NWD1: variants seen among roughly 807,000 people sequenced by gnomAD.
The protein encoded by NWD1 is NACHT and WD repeat domain containing 1, also known as NACHT domain- and WD repeat-containing protein 1.
NWD1 carries 129 observed loss-of-function variants against 135.1 expected under a neutral mutation model. The observed-to-expected ratio is 0.96, with a 90% confidence interval of 0.83 to 1.11. The LOEUF (loss-of-function observed/expected upper bound fraction) is 1.11, where lower values mean the gene tolerates loss of function less well. Ranked by LOEUF, NWD1 falls within the 50% of genes least tolerant of loss-of-function variation. The probability of loss-of-function intolerance (pLI) is 0.00; values close to 1 mark genes in which losing one functional copy is unlikely to be tolerated. For missense variants in NWD1, 1,740 were observed against 1,851.3 expected (o/e 0.94, Z 1.10); for synonymous variants, 773 against 786.0 (o/e 0.98, Z 0.28).
At position 16,797,834 on chromosome 19, in the gene NWD1, T is replaced by C. The variant is rs1970470263; in HGVS notation, c.3407T>C (p.Phe1136Ser). 1 of 1,614,024 alleles carries C rather than the reference T, an allele frequency of 6.2e-7. No homozygotes were observed. The highest frequency in any genetic ancestry group is 1.1e-5 in the South Asian group (1 of 91,092). ...EHEDMVETAV[F>S]GTENNLIITG... ...GAAGACATGGTGGAGACGGCTGTTT[T>C]TGGTACTGAGAACAACCTGATCATC... Residue 1136 changes from phenylalanine (F) to serine (S), a missense_variant, in exon 16 of 19, where the codon TTT becomes TCT. By Grantham distance (155) the Phe-to-Ser change is radical. Coordinates refer to ENST00000524140, the MANE Select transcript of NWD1 (RefSeq NM_001007525.5).
At chr19:16,811,463 A>T (rs555368226) in intron 18 of NWD1, among the ~76,000 whole-genome samples, 4 of 152,040 alleles carry the variant, frequency 2.6e-5, no homozygotes, top group African/African-American at 9.6e-5. Flanking sequence ...GCATGCCTGT[A>T]ATCCCAGCTA....
chr19:16,757,809 T>C (rs1968854019), intron 6 of NWD1, among the ~76,000 whole-genome samples: 2 of 152,164 alleles, frequency 1.3e-5, no homozygotes, highest in Non-Finnish European at 2.9e-5. Context: ...CCCAACACTT[T>C]GGGAGGCTGA....
At chr19:16,794,379 AT>A (rs1394399580) in intron 14 of NWD1, 83 bp from the exon 15 acceptor site, 13 of 774,988 alleles carry the variant, frequency 1.7e-5, no homozygotes, top group African/African-American at 1.6e-4. Flanking sequence ...AACAAAAAAA[AT>A]AAAAATTAAA....
At chr19:16,791,684 T>C in intron 14 of NWD1, 62 bp downstream of exon 14, 6 of 1,485,654 alleles carry the variant, frequency 4.0e-6, no homozygotes, top group Admixed American at 1.8e-5. Context: ...TCAGATGTGC[T>C]AGAAGTTGGG....
At position 16,797,179 on chromosome 19, in the gene NWD1, C is replaced by CA. The variant is rs762226680; in HGVS notation, c.3305-538dup. On this transcript the variant is annotated intron_variant, in intron 15 of 18. Coordinates refer to ENST00000524140, the MANE Select transcript of NWD1 (RefSeq NM_001007525.5). ...TCAGTGACAGAGCGAGACTCCATCTCAAAAAAAAAAAAAAATTGATGAGTG... is the reference window on the plus strand; with the variant it reads ...TCAGTGACAGAGCGAGACTCCATCTCAAAAAAAAAAAAAAAATTGATGAGTG... 8.0e-3 allele frequency among the ~76,000 whole-genome samples: 1,047 copies of CA among 130,536 alleles called. 4 individuals are homozygous for CA. The highest frequency in any genetic ancestry group is 0.017 in the Middle Eastern group (4 of 240). The allele number at this position is 130,536 out of a possible 152,430, so 85.6% of individuals were successfully genotyped here. A position where few individuals can be genotyped will look rare whatever the true frequency, so the allele number is the denominator to read the frequency against.
intron 5 of NWD1, 138 bp from the exon 6 acceptor site, chr19:16,749,001 C>G (rs968671241): frequency 3.0e-6 from 2 of 670,894 alleles, no homozygotes; most frequent in Non-Finnish European, 2.5e-6. Context: ...TTCGAGACCC[C>G]CAGGTCAGAC....
At chr19:16,771,913 A>G (rs542743147) in intron 10 of NWD1, among the ~76,000 whole-genome samples, 1 of 146,282 alleles carries the variant, frequency 6.8e-6, no homozygotes, top group Non-Finnish European at 1.5e-5. Context: ...CTCCTGTCTC[A>G]GCCTCCCGAG....
intron 6 of NWD1, 135 bp from the exon 7 acceptor site, chr19:16,759,090 C>T: frequency 1.4e-6 from 1 of 703,058 alleles, no homozygotes; most frequent in Non-Finnish European, 2.6e-6. Flanking sequence ...CTTGTGGGCG[C>T]TGTCCAAATG....
rs560363206 is a variant in NWD1 at position 16,750,083 on chromosome 19, C to G, written c.1441C>G (p.Arg481Gly). Residue 481 changes from arginine (R) to glycine (G), a missense_variant, in exon 6 of 19, where the codon CGG becomes GGG. Physicochemically the swap from Arg to Gly is moderately radical, Grantham distance 125. Transcript: ENST00000524140. ...GALGVLDTLQ[R>G]VLLDPEAYWE... is the part of the protein sequence containing the mutation. Reference sequence around the variant, plus strand: ...ACTGGGGGTTTTGGACACCTTGCAGCGGGTGCTCCTGGACCCGGAGGCCTA... The same window carrying G: ...ACTGGGGGTTTTGGACACCTTGCAGGGGGTGCTCCTGGACCCGGAGGCCTA... 2 of 1,614,026 alleles carry G rather than the reference C, an allele frequency of 1.2e-6. No individual in the cohort carries two copies. The highest frequency in any genetic ancestry group is 1.7e-6 in the Non-Finnish European group (2 of 1,180,014).
intron 4 of NWD1, among the ~76,000 whole-genome samples, chr19:16,739,825 G>C (rs983013487): frequency 1.7e-4 from 26 of 152,190 alleles, no homozygotes; most frequent in Admixed American, 1.6e-3. Context: ...AGAGCTCTGA[G>C]AGTTGTTCCT....
intron 6 of NWD1, among the ~76,000 whole-genome samples, chr19:16,758,869 G>A (rs1400682415): frequency 2.6e-5 from 4 of 151,894 alleles, no homozygotes; most frequent in African/African-American, 9.7e-5. Context: ...TTAGCCAGGC[G>A]TGGTGGCGCC....
At chr19:16,771,280 T>C (rs1969401985) in intron 10 of NWD1, among the ~76,000 whole-genome samples, 1 of 152,112 alleles carries the variant, frequency 6.6e-6, no homozygotes, top group Non-Finnish European at 1.5e-5. Flanking sequence ...TGAAACCCCA[T>C]CTCTACTAAA....
intron 10 of NWD1, among the ~76,000 whole-genome samples, chr19:16,767,339 G>T (rs1006561578): frequency 6.6e-6 from 1 of 152,118 alleles, no homozygotes; most frequent in Non-Finnish European, 1.5e-5. Context: ...GGACGGCCAG[G>T]TGTGGTGGCT....
chr19:16,767,220 C>A (rs1568365189), intron 10 of NWD1, among the ~76,000 whole-genome samples: 1 of 145,114 alleles, frequency 6.9e-6, no homozygotes, highest in Non-Finnish European at 1.5e-5. Flanking sequence ...CGCTCTGTCG[C>A]CCAGGCTGGA....
At chr19:16,746,785 T>C (rs1221359777) in intron 5 of NWD1, among the ~76,000 whole-genome samples, 1 of 152,098 alleles carries the variant, frequency 6.6e-6, no homozygotes, top group Non-Finnish European at 1.5e-5. Flanking sequence ...AAAGAAAATG[T>C]TATTACAAAA....
At chr19:16,782,039 A>C (rs1969870956) in intron 12 of NWD1, among the ~76,000 whole-genome samples, 2 of 149,814 alleles carry the variant, frequency 1.3e-5, no homozygotes, top group Non-Finnish European at 3.0e-5. Flanking sequence ...GCTTGCAGTG[A>C]GCCGAGATTG....
At chr19:16,728,436 C>CAAA (rs1259067008) in intron 2 of NWD1, among the ~76,000 whole-genome samples, 2 of 151,844 alleles carry the variant, frequency 1.3e-5, no homozygotes, top group African/African-American at 4.8e-5. Context: ...AGCCACCTGC[C>CAAA]ACCATGTCTG....
At chr19:16,731,440 G>A (rs35369808) in intron 3 of NWD1, among the ~76,000 whole-genome samples, 162 bp downstream of exon 3, 36,372 of 151,244 alleles carry the variant, frequency 0.24, 5,070 homozygotes, top group Middle Eastern at 0.37. Context: ...CTGAGTAGCT[G>A]GGACTACAGG....
At chr19:16,814,708 G>T (rs1475121227) in intron 18 of NWD1, among the ~76,000 whole-genome samples, 1 of 152,158 alleles carries the variant, frequency 6.6e-6, no homozygotes, top group Non-Finnish European at 1.5e-5. Flanking sequence ...GCCCATCCTG[G>T]GCCAGTTCAC....
Sources: allele counts gnomAD v4.1 joint callset (sites outside exome capture counted in the v4.1 genomes callset), GRCh38; gene constraint gnomAD v4.1.1; transcripts MANE v1.5; gene names NCBI Gene and HGNC (gene_info 2026-07-23, HGNC 2026-07-21).